The following PTPRF variants were observed in gnomAD, a reference collection of about 807,000 sequenced individuals.
PTPRF encodes the protein receptor-type tyrosine-protein phosphatase F.
In PTPRF, 59 loss-of-function variants were observed where a neutral mutation model predicts 201.8. The observed-to-expected ratio is 0.29, with a 90% CI of 0.24 to 0.36. The LOEUF (loss-of-function observed/expected upper bound fraction) is 0.36. PTPRF is among the 10% of genes least tolerant of loss of function. The pLI is 1.00. For missense variants in PTPRF, 2,132 were observed against 2,690.5 expected, an observed-to-expected ratio of 0.79 and a Z score of 4.59; for synonymous variants, 1,088 against 1,089.7, an observed-to-expected ratio of 1.00 and a Z score of 0.03.
Position 43,606,412 on chromosome 1 carries a change from G to A in PTPRF, c.3656G>A (p.Ser1219Asn). The A allele has an allele frequency of 2.5e-6, 4 of 1,614,140 alleles. No individual in the cohort carries two copies. The highest frequency in any genetic ancestry group is 3.4e-6 in the Non-Finnish European group (4 of 1,180,016). Residue 1219 changes from serine to asparagine, a missense_variant, in exon 20 of 34, where the codon AGC becomes AAC. By Grantham distance (46) the Ser-to-Asn change is conservative. Coordinates refer to ENST00000359947, the MANE Select transcript of PTPRF (RefSeq NM_002840.5). ...FYNRPLSPDL[S>N]YQCFVLASLK... is the part of the protein sequence containing the mutation. ...AACCGGCCCCTGTCTCCGGACTTGA[G>A]CTACCAGTGCTTTGTGCTTGCCTCC...
At position 43,542,640 on chromosome 1, in the gene PTPRF, A is replaced by G. The variant is rs1644427989; in HGVS notation, c.-45-2391A>G. On this transcript the variant is annotated intron_variant, in intron 2 of 33. Coordinates refer to ENST00000359947, the MANE Select transcript of PTPRF (RefSeq NM_002840.5). The surrounding 1 kb of genome is among the most constrained non-coding windows in gnomAD (Gnocchi z 5.2). ...CTCTGCCCCCACCATGAAGTCTGTA[A>G]CAGCACGTTACACCTCTGCTAATGT... Among the ~76,000 whole-genome samples, 1 of 152,030 alleles carries G rather than the reference A, an allele frequency of 6.6e-6. No homozygotes were observed. Among genetic ancestry groups the G allele is most frequent in the African/African-American group, 2.4e-5 (1 of 41,354 alleles).
At chr1:43,618,810 G>A (rs1658488555) in intron 26 of PTPRF, 61 bp downstream of exon 26, 1 of 1,570,698 alleles carries the variant, frequency 6.4e-7, no homozygotes, top group South Asian at 1.2e-5. Flanking sequence ...TGGCCTGGGT[G>A]TGGTGTGCTG....
intron 5 of PTPRF, among the ~76,000 whole-genome samples, chr1:43,563,467 G>A (rs1645949321): frequency 6.6e-6 from 1 of 152,168 alleles, no homozygotes; most frequent in African/African-American, 2.4e-5. Flanking sequence ...CTTACAGGCT[G>A]AGAAATAGCA....
chr1:43,585,684 G>A (rs1648955214), intron 7 of PTPRF, among the ~76,000 whole-genome samples: 1 of 152,162 alleles, frequency 6.6e-6, no homozygotes, highest in African/African-American at 2.4e-5. Flanking sequence ...CAGGGCGTTG[G>A]CCTGACCTCC....
intron 7 of PTPRF, among the ~76,000 whole-genome samples, chr1:43,585,920 C>T (rs571604499): frequency 1.3e-5 from 2 of 152,324 alleles, no homozygotes; most frequent in East Asian, 3.9e-4. Context: ...CTCCCTGGCA[C>T]AGGCTGTCTA....
chr1:43,598,588 A>G, intron 12 of PTPRF, 132 bp from the exon 13 acceptor site: 3 of 848,884 alleles, frequency 3.5e-6, no homozygotes, highest in Non-Finnish European at 3.7e-6. Context: ...GGGACAGATG[A>G]TCTAAGGAAA....
rs1023148068 is a variant in PTPRF at position 43,622,186 on chromosome 1, C to T, written c.*183C>T. 4.6e-6 allele frequency: 3 copies of T among 651,282 alleles called. No homozygotes were observed. The highest frequency in any genetic ancestry group is 3.6e-5 in the African/African-American group (2 of 55,350). 40.3% of individuals were successfully genotyped at this position (651,282 alleles called of 1,614,324 possible). A position where few individuals can be genotyped will look rare whatever the true frequency, so the allele number is the denominator to read the frequency against. On this transcript the variant is annotated 3_prime_UTR_variant, in exon 34 of 34. Transcript: ENST00000359947. Reference sequence around the variant, plus strand: ...ACCAATCAGAGAGCCTAGAACATCCCTGGGCAAGTGGATGGCCCAGCAGGC... The same window carrying T: ...ACCAATCAGAGAGCCTAGAACATCCTTGGGCAAGTGGATGGCCCAGCAGGC...
At position 43,621,097 on chromosome 1, in the gene PTPRF, T is replaced by G; in HGVS notation, c.5520T>G (p.Ser1840Arg). 6.2e-7 allele frequency: 1 copy of G among 1,614,024 alleles called. No individual in the cohort carries two copies. The highest frequency in any genetic ancestry group is 8.5e-7 in the Non-Finnish European group (1 of 1,179,900). ...GQDGPITVHC[S>R]AGVGRTGVFI... The stretch of plus-strand genomic sequence containing the variant: ...CTGACCCAACTGTGTTTCTGAGCAG[T>G]GCTGGCGTGGGCCGCACCGGGGTGT... The change falls in exon 33 of 34, where the codon AGT (serine) becomes AGG (arginine). Residue 1840 changes from serine to arginine, a missense_variant and splice_region_variant. Ser to Arg is a moderately radical substitution (Grantham distance 110, BLOSUM62 -1). Transcript: ENST00000359947.
At chr1:43,531,669 C>T (rs1643544532) in intron 1 of PTPRF, among the ~76,000 whole-genome samples, 1 of 145,828 alleles carries the variant, frequency 6.9e-6, no homozygotes, top group African/African-American at 2.8e-5. Flanking sequence ...GAGTTTGAAG[C>T]CCCCCCACCC....
intron 7 of PTPRF, among the ~76,000 whole-genome samples, chr1:43,585,824 C>G (rs560640883): frequency 1.3e-5 from 2 of 152,200 alleles, no homozygotes; most frequent in Non-Finnish European, 2.9e-5. Flanking sequence ...CTTCCTTCTG[C>G]TGGGGCTCTT....
chr1:43,605,183 C>T lies in PTPRF; in HGVS notation c.3136-7C>T. On this transcript the variant is annotated splice_polypyrimidine_tract_variant and splice_region_variant and intron_variant, in intron 17 of 33. Transcript: ENST00000359947. Reference sequence around the variant, plus strand: ...AAGGCATTGATTGCCCCTCCCGTCCCCCACAGATTCTGTACAATGGGCAGA... The same window carrying T: ...AAGGCATTGATTGCCCCTCCCGTCCTCCACAGATTCTGTACAATGGGCAGA... The T allele has an allele frequency of 1.3e-6, 2 of 1,591,682 alleles. No homozygotes were observed. Among genetic ancestry groups the T allele is most frequent in the East Asian group, 2.3e-5 (1 of 44,354 alleles).
At chr1:43,525,864 T>C (rs955751811), upstream of PTPRF, among the ~76,000 whole-genome samples, 1 of 128,814 alleles carries the variant, frequency 7.8e-6, no homozygotes. Context: ...AGCAGGGTTG[T>C]GGTGGGTTGG....
rs745825278 is a variant in PTPRF, at chr1:43,617,597, C to T, written c.4195+29C>T. ...AGCCAAGGGGGTGCCCCTCCCATCC[C>T]CTTGCTCTCCCCCTTGCTAGCTAGG... is the stretch of plus-strand genomic sequence containing the variant. On this transcript the variant is annotated intron_variant, in intron 24 of 33. Coordinates refer to ENST00000359947, the MANE Select transcript of PTPRF (RefSeq NM_002840.5). The T allele has an allele frequency of 2.5e-6, 4 of 1,613,220 alleles. No homozygotes were observed. The African/African-American group carries it at 4.0e-5, about 16-fold the overall frequency.
chr1:43,563,177 CAA>C (rs61595608), intron 5 of PTPRF, among the ~76,000 whole-genome samples: 1,566 of 134,022 alleles, frequency 0.012, 28 homozygotes, highest in African/African-American at 0.038. Context: ...GACTCCATCT[CAA>C]AAAAAAAAAA....
At chr1:43,615,768 G>T (rs567794872) in intron 23 of PTPRF, among the ~76,000 whole-genome samples, 1 of 151,646 alleles carries the variant, frequency 6.6e-6, no homozygotes, top group Non-Finnish European at 1.5e-5. Context: ...GGGTTTCACC[G>T]TGTTAGCCAG....
At chr1:43,604,740 G>A (rs150072984) in intron 16 of PTPRF, among the ~76,000 whole-genome samples, 163 bp from the exon 17 acceptor site, 6 of 152,308 alleles carry the variant, frequency 3.9e-5, no homozygotes, top group East Asian at 3.9e-4. Context: ...CAACTGTGCC[G>A]TTTGAAGCTG....
At chr1:43,564,012 C>CT (rs1304579491) in intron 5 of PTPRF, among the ~76,000 whole-genome samples, 2 of 152,192 alleles carry the variant, frequency 1.3e-5, no homozygotes, top group Non-Finnish European at 2.9e-5. Flanking sequence ...GACGCCGTGC[C>CT]TGCCAACAGG....
chr1:43,560,776 C>T (rs1569934084), intron 5 of PTPRF, among the ~76,000 whole-genome samples: 1 of 152,152 alleles, frequency 6.6e-6, no homozygotes, highest in East Asian at 1.9e-4. Context: ...GTGGGGTGCA[C>T]CAGATAGGGA....
At position 43,609,943 on chromosome 1, in the gene PTPRF, G is replaced by A. The variant is rs759229456; in HGVS notation, c.3973+445G>A. Among the ~76,000 whole-genome samples, 8 of 152,168 alleles carry A rather than the reference G, an allele frequency of 5.3e-5. No homozygotes were observed. The East Asian group carries it at 5.8e-4, about 11-fold the overall frequency. On this transcript the variant is annotated intron_variant, in intron 22 of 33. Coordinates refer to ENST00000359947, the MANE Select transcript of PTPRF (RefSeq NM_002840.5). Reference sequence around the variant, plus strand: ...CTGCACCTGAGCCTTCCTGGAGGCCGACCCCAGGTTTACCATACCACGTAC... The same window carrying A: ...CTGCACCTGAGCCTTCCTGGAGGCCAACCCCAGGTTTACCATACCACGTAC...
Sources: gnomAD v4.1 joint callset for allele counts (sites outside exome capture counted in the v4.1 genomes callset) on GRCh38, gnomAD v4.1.1 for gene constraint, Gnocchi (gnomAD v3.1) non-coding constraint, MANE v1.5 for transcripts, NCBI Gene and HGNC (gene_info 2026-07-23, HGNC 2026-07-21) for gene names.